ESR1: variants seen among roughly 807,000 people sequenced by gnomAD.
ESR1 encodes estrogen receptor.
A neutral mutation model predicts 52.7 loss-of-function variants in ESR1; 12 were observed. The observed-to-expected ratio is 0.23, with a 90% CI of 0.15 to 0.37. The LOEUF (loss-of-function observed/expected upper bound fraction) is 0.37. ESR1 is among the 10% of genes least tolerant of loss of function. The probability of loss-of-function intolerance (pLI) is 1.00; values close to 1 mark genes in which losing one functional copy is unlikely to be tolerated. For synonymous variants in ESR1, 305 were observed against 316.8 expected (o/e 0.96, Z 0.39); for missense variants, 584 against 779.7 (o/e 0.75, Z 2.99).
intron 4 of ESR1, among the ~76,000 whole-genome samples, chr6:152,009,253 A>G (rs974523414): frequency 2.0e-5 from 3 of 152,124 alleles, no homozygotes; most frequent in African/African-American, 4.8e-5. Context: ...CAATGGAAAG[A>G]CACCTGCTCT....
Position 152,015,376 on chromosome 6 carries a change from C to T in ESR1, c.1235+3582C>T, listed in dbSNP as rs181489039. ...GCCTTTATATATACAAAAGGCTTTT[C>T]TTTCTTTTCCTTTTCTAAGTTTCCA... On this transcript the variant is annotated intron_variant, in intron 5 of 7. Transcript: ENST00000206249. Among the ~76,000 whole-genome samples, 61 of 152,246 alleles carry T rather than the reference C, an allele frequency of 4.0e-4. 1 individual carries two copies. The East Asian group carries it at 0.012, about 29-fold the overall frequency.
Position 151,874,917 on chromosome 6 carries a change from G to A in ESR1, c.644-5738G>A, listed in dbSNP as rs144532635. Among the ~76,000 whole-genome samples the A allele has an allele frequency of 4.6e-5, 7 of 152,236 alleles. No individual in the cohort carries two copies. In the East Asian group the frequency reaches 1.4e-3, roughly 29 times the overall value. ...ATTTTAAAAAGTTAAAACACACTAT[G>A]AAAACAAATCATTATTAGTAAAATG... On this transcript the variant is annotated intron_variant, in intron 2 of 7. Transcript: ENST00000206249.
At chr6:151,966,232 T>C (rs1884049) in intron 4 of ESR1, among the ~76,000 whole-genome samples, 112,927 of 152,092 alleles carry the variant, frequency 0.74, 42,878 homozygotes, top group Middle Eastern at 0.88. Flanking sequence ...CTAAAATCCA[T>C]TGCTGCTAAT....
At chr6:151,838,091 C>T (rs189720185) in intron 1 of ESR1, among the ~76,000 whole-genome samples, 26 of 152,296 alleles carry the variant, frequency 1.7e-4, no homozygotes, top group African/African-American at 6.0e-4. Flanking sequence ...CCTTGAATGC[C>T]TGGGCTCAAG....
chr6:151,695,360 A>G (rs1051685647), intron 1 of ESR1, among the ~76,000 whole-genome samples: 1 of 152,204 alleles, frequency 6.6e-6, no homozygotes, highest in Non-Finnish European at 1.5e-5. Flanking sequence ...ACACAGGCCA[A>G]TCACAAGGAG....
At chr6:151,811,199 A>G (rs1302307750) in intron 1 of ESR1, 1 of 152,228 alleles carries the variant, frequency 6.6e-6, no homozygotes, top group Non-Finnish European at 1.5e-5. Flanking sequence ...TAATGTGAGA[A>G]AGATTGTCAC....
rs1266311555 is a variant in ESR1, at chr6:151,850,067, T to TGC, written c.643+7280_643+7281insGC. 9.1e-3 allele frequency among the ~76,000 whole-genome samples: 1,133 copies of TGC among 124,564 alleles called. 55 individuals carry two copies. The highest frequency in any genetic ancestry group is 0.032 in the African/African-American group (994 of 30,620). The allele number at this position is 124,564 out of a possible 152,430, so 81.7% of individuals were successfully genotyped here. Reference sequence around the variant, plus strand: ...AATTTTATATATATATAATTTTATATATATATAAAAAATTATATATATATA... The same window carrying TGC: ...AATTTTATATATATATAATTTTATATGCATATATAAAAAATTATATATATATA... On this transcript the variant is annotated intron_variant, in intron 2 of 7. Transcript: ENST00000206249.
intron 6 of ESR1, among the ~76,000 whole-genome samples, chr6:152,115,389 T>G (rs2051198878): frequency 6.6e-6 from 1 of 152,232 alleles, no homozygotes; most frequent in South Asian, 2.1e-4. Context: ...TGTCCCTGAT[T>G]GGTTTTGGGA....
chr6:151,965,698 C>T (rs1361724953), intron 4 of ESR1, among the ~76,000 whole-genome samples: 1 of 151,982 alleles, frequency 6.6e-6, no homozygotes, highest in Non-Finnish European at 1.5e-5. Flanking sequence ...GACTTATCAA[C>T]TTTGGACATA....
chr6:151,726,497 A>G (rs1421855802), intron 2 of ESR1, among the ~76,000 whole-genome samples: 1 of 151,946 alleles, frequency 6.6e-6, no homozygotes, highest in African/African-American at 2.4e-5. Flanking sequence ...ACTTCCGGCT[A>G]ATTTTTGTGT....
At chr6:152,125,361 T>C in exon 7 of ESR1, 1 of 1,549,890 alleles carries the variant, frequency 6.5e-7, no homozygotes, top group Non-Finnish European at 8.7e-7. Context: ...CCTCTGGTCA[T>C]AAGGCCTCAC....
intron 2 of ESR1, among the ~76,000 whole-genome samples, chr6:151,723,161 A>G (rs907260738): frequency 3.9e-5 from 6 of 152,144 alleles, no homozygotes; most frequent in African/African-American, 1.2e-4. Flanking sequence ...AGTGGGAGCT[A>G]TTAATCAATA....
At chr6:151,956,815 TATATAAAA>T (rs1562593888) in intron 4 of ESR1, among the ~76,000 whole-genome samples, 1 of 72,758 alleles carries the variant, frequency 1.4e-5, no homozygotes, top group Admixed American at 1.4e-4. Context: ...AATATAAATA[TATATAAAA>T]ATATATATAA....
chr6:152,029,567 G>T (rs1447843988), intron 5 of ESR1, among the ~76,000 whole-genome samples: 1 of 152,184 alleles, frequency 6.6e-6, no homozygotes, highest in African/African-American at 2.4e-5. Context: ...TGAATGAAAT[G>T]AAGTGAGAAG....
intron 2 of ESR1, among the ~76,000 whole-genome samples, chr6:151,844,094 T>TTG (rs1237586360): frequency 6.6e-6 from 1 of 151,616 alleles, no homozygotes; most frequent in African/African-American, 2.4e-5. Flanking sequence ...ATAGTAATCT[T>TTG]TGTGTGTGTA....
At chr6:151,660,708 A>T (rs1777609379) in intron 1 of ESR1, among the ~76,000 whole-genome samples, 1 of 152,186 alleles carries the variant, frequency 6.6e-6, no homozygotes, top group Non-Finnish European at 1.5e-5. Flanking sequence ...CGTATATGTT[A>T]TGTAGACTCT....
In ESR1 at chr6:151,736,850, G is replaced by A. The variant is rs1235178047; in HGVS notation, c.-71+34845G>A. On this transcript the variant is annotated intron_variant, in intron 2 of 2. Coordinates refer to the ESR1 transcript ENST00000404742. ...CAGCAATGTAGGCATTTGAATTTCG[G>A]CACGCTGGCTCCTGAGTCCATTCTA... Among the ~76,000 whole-genome samples the A allele has an allele frequency of 2.0e-5, 3 of 152,038 alleles. No individual in the cohort carries two copies. In the South Asian group the frequency reaches 6.2e-4, roughly 32 times the overall value.
intron 2 of ESR1, among the ~76,000 whole-genome samples, chr6:151,782,354 G>A (rs1262303642): frequency 6.6e-6 from 1 of 152,136 alleles, no homozygotes; most frequent in African/African-American, 2.4e-5. Flanking sequence ...ACGTAAGATG[G>A]TAAGTCTATT....
chr6:152,050,257 G>A (rs991291078), intron 5 of ESR1, among the ~76,000 whole-genome samples: 2 of 152,102 alleles, frequency 1.3e-5, no homozygotes, highest in Admixed American at 6.5e-5. Context: ...CTGCTAAATT[G>A]CTCCATGCAT....
Sources: allele counts gnomAD v4.1 joint callset (sites outside exome capture counted in the v4.1 genomes callset), GRCh38; gene constraint gnomAD v4.1.1; transcripts MANE v1.5; gene names NCBI Gene and HGNC (gene_info 2026-07-23, HGNC 2026-07-21).